ULK4: variants seen among roughly 807,000 people sequenced by gnomAD.
ULK4 encodes unc-51 like kinase 4.
A neutral mutation model predicts 160.6 loss-of-function variants in ULK4; 133 were observed. The observed-to-expected ratio is 0.83, with a 90% CI of 0.72 to 0.96. The LOEUF is 0.96. Among genes scored for constraint, ULK4 ranks in the 40% least tolerant of loss-of-function variants. The pLI is 0.00. For synonymous variants in ULK4, 534 were observed against 539.8 expected (o/e 0.99, Z 0.15); for missense variants, 1,580 against 1,499.5 (o/e 1.05, Z -0.89).
At chr3:41,374,306 A>C (rs1017095014) in intron 35 of ULK4, among the ~76,000 whole-genome samples, 1 of 152,216 alleles carries the variant, frequency 6.6e-6, no homozygotes, top group Non-Finnish European at 1.5e-5. Context: ...CATCATCCTG[A>C]TACCAAAACC....
At chr3:41,561,827 AT>A (rs2087584117) in intron 32 of ULK4, among the ~76,000 whole-genome samples, 1 of 151,996 alleles carries the variant, frequency 6.6e-6, no homozygotes. Context: ...GGATTCACTG[AT>A]TTTTTGAAGG....
rs2039843107 is a variant in ULK4 at position 41,781,592 on chromosome 3, T to C, written c.2193+8069A>G. Among the ~76,000 whole-genome samples, 4 of 152,202 alleles carry C rather than the reference T, an allele frequency of 2.6e-5. No individual in the cohort carries two copies. The South Asian group carries it at 8.3e-4, about 31-fold the overall frequency. On this transcript the variant is annotated intron_variant, in intron 21 of 36. Transcript: ENST00000301831. ...ATGATGTATAGATTTTGCTTCAAAA[T>C]AATTCAGAGGAAGAAGGAATGTATA... is the stretch of plus-strand genomic sequence containing the variant.
chr3:41,658,567 C>A (rs911700348), intron 30 of ULK4, among the ~76,000 whole-genome samples: 1 of 152,110 alleles, frequency 6.6e-6, no homozygotes, highest in African/African-American at 2.4e-5. Context: ...CTAAAGGGGA[C>A]TTGTTAAATC....
chr3:41,836,179 T>C lies in ULK4; in HGVS notation c.1657-208A>G, dbSNP rs528342591. ...AAATATATTCAGTAAAATAAACACA[T>C]ATAGCCCTTTTCAGTTTATAATTTT... On this transcript the variant is annotated intron_variant, in intron 17 of 36. Coordinates refer to ENST00000301831, the MANE Select transcript of ULK4 (RefSeq NM_017886.4). Among the ~76,000 whole-genome samples the C allele has an allele frequency of 2.7e-5, 4 of 148,602 alleles. No individual in the cohort carries two copies. The South Asian group carries it at 8.4e-4, about 31-fold the overall frequency.
At chr3:41,527,734 T>C (rs1265458620) in intron 32 of ULK4, among the ~76,000 whole-genome samples, 1 of 152,236 alleles carries the variant, frequency 6.6e-6, no homozygotes, top group Non-Finnish European at 1.5e-5. Context: ...TAAAAAAATT[T>C]TCAAAAGCTG....
At chr3:41,679,962 T>C (rs1439144903) in intron 29 of ULK4, among the ~76,000 whole-genome samples, 2 of 152,138 alleles carry the variant, frequency 1.3e-5, no homozygotes, top group African/African-American at 2.4e-5. Context: ...AATCTTCCAG[T>C]CTCATCTTCC....
In ULK4 at chr3:41,557,697, C is replaced by A. The variant is rs1323720107; in HGVS notation, c.3226+8328G>T. 5.9e-5 allele frequency among the ~76,000 whole-genome samples: 9 copies of A among 151,688 alleles called. 1 individual carries two copies. Among genetic ancestry groups the A allele is most frequent in the Non-Finnish European group, 5.9e-5 (4 of 67,984 alleles). On this transcript the variant is annotated intron_variant, in intron 32 of 36. Coordinates refer to ENST00000301831, the MANE Select transcript of ULK4 (RefSeq NM_017886.4). ...GGGAGATCACTTAAAGCCAGGAATT[C>A]AAAACTGCAATAAGCTCTGATTGTG... is the stretch of plus-strand genomic sequence containing the variant.
chr3:41,771,778 A>T (rs1559541301), intron 21 of ULK4, among the ~76,000 whole-genome samples: 1 of 152,152 alleles, frequency 6.6e-6, no homozygotes, highest in Non-Finnish European at 1.5e-5. Context: ...CATTATAGCA[A>T]CTCAAGTACA....
At chr3:41,443,823 C>A (rs1031971559) in intron 34 of ULK4, among the ~76,000 whole-genome samples, 1 of 151,858 alleles carries the variant, frequency 6.6e-6, no homozygotes, top group Non-Finnish European at 1.5e-5. Flanking sequence ...GCAATATATT[C>A]TAATATTTAA....
chr3:41,377,739 G>A (rs2081540227), intron 35 of ULK4, among the ~76,000 whole-genome samples: 1 of 148,248 alleles, frequency 6.7e-6, no homozygotes, highest in South Asian at 2.2e-4. Flanking sequence ...TGCTGTAGAG[G>A]ATGTGGAGAA....
At chr3:41,443,070 T>C (rs2083208887) in intron 34 of ULK4, among the ~76,000 whole-genome samples, 1 of 152,194 alleles carries the variant, frequency 6.6e-6, no homozygotes. Flanking sequence ...GCTCCTTTAA[T>C]GTGAAGATTT....
chr3:41,573,299 T>A (rs186737934), intron 31 of ULK4, among the ~76,000 whole-genome samples: 1 of 152,100 alleles, frequency 6.6e-6, no homozygotes, highest in Admixed American at 6.5e-5. Flanking sequence ...GAGGACAGCT[T>A]TGAAATACCA....
chr3:41,823,892 G>A (rs1490399313), intron 18 of ULK4, among the ~76,000 whole-genome samples: 1 of 152,154 alleles, frequency 6.6e-6, no homozygotes, highest in African/African-American at 2.4e-5. Context: ...GCTGGGCATG[G>A]TGGCTCACGC....
At chr3:41,391,983 G>C (rs181796008) in intron 35 of ULK4, among the ~76,000 whole-genome samples, 8 of 152,162 alleles carry the variant, frequency 5.3e-5, no homozygotes, top group Admixed American at 2.0e-4. Flanking sequence ...TCAGAGAGTA[G>C]TCGATAGCAT....
At chr3:41,871,135 A>G (rs2125693031) in intron 17 of ULK4, among the ~76,000 whole-genome samples, 1 of 152,252 alleles carries the variant, frequency 6.6e-6, no homozygotes, top group East Asian at 1.9e-4. Flanking sequence ...TAAATTACCA[A>G]GTCTTGGGTA....
chr3:41,643,573 C>T (rs559220484), intron 30 of ULK4, among the ~76,000 whole-genome samples: 22 of 152,222 alleles, frequency 1.4e-4, no homozygotes, highest in African/African-American at 2.9e-4. Flanking sequence ...GTACCAGTAC[C>T]GTGCTGTTTT....
At chr3:41,258,069 C>T (rs1219997536) in intron 35 of ULK4, among the ~76,000 whole-genome samples, 2 of 152,082 alleles carry the variant, frequency 1.3e-5, no homozygotes, top group Non-Finnish European at 2.9e-5. Flanking sequence ...CTTCTGTCTC[C>T]CAGAGTTGAG....
chr3:41,304,931 T>A (rs1350277304), intron 35 of ULK4, among the ~76,000 whole-genome samples: 1 of 152,202 alleles, frequency 6.6e-6, no homozygotes, highest in Non-Finnish European at 1.5e-5. Flanking sequence ...GAACGCAGTA[T>A]TATCATCAGA....
chr3:41,624,383 T>A (rs1266461852), intron 30 of ULK4, among the ~76,000 whole-genome samples: 1 of 152,228 alleles, frequency 6.6e-6, no homozygotes, highest in Admixed American at 6.5e-5. Flanking sequence ...ATCCAGAGCA[T>A]CACTCACAAC....
Sources: gnomAD v4.1 joint callset for allele counts (sites outside exome capture counted in the v4.1 genomes callset) on GRCh38, gnomAD v4.1.1 for gene constraint, MANE v1.5 for transcripts, NCBI Gene and HGNC (gene_info 2026-07-23, HGNC 2026-07-21) for gene names.